Variants in OTUD7A observed in about 807,000 individuals in gnomAD.
OTUD7A encodes the protein OTU deubiquitinase 7A, also known as OTU domain-containing protein 7A.
Under a neutral mutation model 65.7 loss-of-function variants are expected in OTUD7A, and 12 were observed. The ratio of observed to expected loss-of-function variants is 0.18; its 90% CI spans 0.12 to 0.30. The LOEUF (loss-of-function observed/expected upper bound fraction) is 0.30, where lower values mean the gene tolerates loss of function less well. OTUD7A is among the 10% of genes least tolerant of loss of function. The pLI, the probability that OTUD7A is intolerant of heterozygous loss-of-function variation, is 1.00. For synonymous variants in OTUD7A, 641 were observed against 586.3 expected (o/e 1.09, Z -1.35); for missense variants, 1,148 against 1,304.8 (o/e 0.88, Z 1.85).
At chr15:31,720,652 A>G (rs369571504) in intron 1 of OTUD7A, among the ~76,000 whole-genome samples, 24 of 152,326 alleles carry the variant, frequency 1.6e-4, no homozygotes, top group South Asian at 1.2e-3. Flanking sequence ...TGCCCGCCTC[A>G]GCCTCCCAAA....
intron 1 of OTUD7A, among the ~76,000 whole-genome samples, chr15:31,764,966 T>C (rs1895060392): frequency 6.6e-6 from 1 of 152,150 alleles, no homozygotes; most frequent in Non-Finnish European, 1.5e-5. Flanking sequence ...AAAAAATAAA[T>C]ACCTTATGGA....
chr15:31,827,860 G>A (rs374654685), intron 1 of OTUD7A, among the ~76,000 whole-genome samples: 20 of 147,042 alleles, frequency 1.4e-4, no homozygotes, highest in Admixed American at 9.5e-4. Context: ...TTGGAGGGGC[G>A]GGGGTTAGAG....
chr15:31,541,024 A>C (rs1887972140), intron 5 of OTUD7A, among the ~76,000 whole-genome samples: 1 of 152,206 alleles, frequency 6.6e-6, no homozygotes, highest in Non-Finnish European at 1.5e-5. Flanking sequence ...GCATAGGGAG[A>C]CAGTGAATTG....
chr15:31,752,526 C>T (rs1470195081), intron 1 of OTUD7A, among the ~76,000 whole-genome samples: 1 of 152,158 alleles, frequency 6.6e-6, no homozygotes. Context: ...GCTTACACTT[C>T]AAATGAATCT....
intron 1 of OTUD7A, among the ~76,000 whole-genome samples, chr15:31,738,207 G>A (rs1894244701): frequency 6.6e-6 from 1 of 152,092 alleles, no homozygotes; most frequent in Admixed American, 6.5e-5. Context: ...GGGCATGGGG[G>A]GATGGGGAGA....
At chr15:31,491,424 CT>C (rs568343126) in intron 10 of OTUD7A, among the ~76,000 whole-genome samples, 35 of 152,226 alleles carry the variant, frequency 2.3e-4, no homozygotes, top group African/African-American at 8.4e-4. Context: ...AGAATCTGAT[CT>C]GTAAACCTCA....
At chr15:31,851,093 A>G (rs1897413160) in intron 1 of OTUD7A, among the ~76,000 whole-genome samples, 1 of 152,234 alleles carries the variant, frequency 6.6e-6, no homozygotes, top group Non-Finnish European at 1.5e-5. Context: ...ACAGTATGGC[A>G]ATATTAAAAA....
chr15:31,586,573 G>T (rs1181574570), intron 3 of OTUD7A, among the ~76,000 whole-genome samples: 1 of 152,112 alleles, frequency 6.6e-6, no homozygotes. Flanking sequence ...CCCAGTTTTG[G>T]CAATGTTAAG....
intron 1 of OTUD7A, among the ~76,000 whole-genome samples, chr15:31,809,676 G>C (rs975414445): frequency 1.3e-5 from 2 of 152,194 alleles, no homozygotes; most frequent in South Asian, 2.1e-4. Context: ...ATGTGGTCCA[G>C]AGAATTAGAG....
intron 1 of OTUD7A, among the ~76,000 whole-genome samples, chr15:31,723,535 T>C (rs1893805784): frequency 6.9e-6 from 1 of 144,860 alleles, no homozygotes; most frequent in African/African-American, 2.6e-5. Context: ...TTTTCAATGA[T>C]ATAATTAAGA....
intron 1 of OTUD7A, among the ~76,000 whole-genome samples, chr15:31,751,080 C>A (rs1205000720): frequency 1.3e-5 from 2 of 152,028 alleles, no homozygotes; most frequent in Non-Finnish European, 2.9e-5. Flanking sequence ...ACAAGTGGGA[C>A]AAAATTAAAC....
intron 1 of OTUD7A, among the ~76,000 whole-genome samples, chr15:31,850,396 A>G (rs535120998): frequency 1.2e-4 from 18 of 148,596 alleles, no homozygotes; most frequent in African/African-American, 4.2e-4. Flanking sequence ...AACACCACAC[A>G]CTGGGGCCTG....
intron 1 of OTUD7A, among the ~76,000 whole-genome samples, chr15:31,672,964 T>G (rs1417278348): frequency 4.6e-5 from 7 of 152,230 alleles, no homozygotes; most frequent in Non-Finnish European, 1.0e-4. Context: ...GTTCCTCCTA[T>G]GACAGCAAGT....
intron 1 of OTUD7A, among the ~76,000 whole-genome samples, chr15:31,753,554 G>A (rs1296191152): frequency 6.6e-6 from 1 of 151,242 alleles, no homozygotes; most frequent in African/African-American, 2.4e-5. Context: ...TACAATGTTT[G>A]GTTGTCCATT....
At chr15:31,802,131 G>GTA (rs1286066693) in intron 1 of OTUD7A, among the ~76,000 whole-genome samples, 3 of 131,208 alleles carry the variant, frequency 2.3e-5, no homozygotes, top group African/African-American at 8.5e-5. Flanking sequence ...GTGTGTGTGT[G>GTA]TGTGTGTGTG....
At chr15:31,797,680 T>C (rs76812419) in intron 1 of OTUD7A, among the ~76,000 whole-genome samples, 2,075 of 152,262 alleles carry the variant, frequency 0.014, 43 homozygotes, top group African/African-American at 0.047. Flanking sequence ...ACTCCCAAAC[T>C]CTATCCTAAG....
chr15:31,675,680 G>C (rs1030690535), intron 1 of OTUD7A, among the ~76,000 whole-genome samples: 1 of 152,118 alleles, frequency 6.6e-6, no homozygotes, highest in Non-Finnish European at 1.5e-5. Context: ...TTAAATGGCT[G>C]GAACAAGATC....
At chr15:31,810,880 G>A (rs1294080037) in intron 1 of OTUD7A, among the ~76,000 whole-genome samples, 1 of 152,164 alleles carries the variant, frequency 6.6e-6, no homozygotes, top group Non-Finnish European at 1.5e-5. Context: ...ATCCCCAGGA[G>A]GCTCTGAGCC....
intron 1 of OTUD7A, among the ~76,000 whole-genome samples, chr15:31,870,209 T>G (rs8036669): frequency 0.61 from 90,297 of 148,962 alleles, 27,555 homozygotes; most frequent in East Asian, 0.7. Flanking sequence ...GACCCAGCGG[T>G]AGCGCCGCGC....
Sources: gnomAD v4.1 joint callset for allele counts (sites outside exome capture counted in the v4.1 genomes callset) on GRCh38, gnomAD v4.1.1 for gene constraint, MANE v1.5 for transcripts, NCBI Gene and HGNC (gene_info 2026-07-23, HGNC 2026-07-21) for gene names.